HDAC9: variants seen among roughly 807,000 people sequenced by gnomAD.
The protein encoded by HDAC9 is histone deacetylase 9, also known as MEF-2 interacting transcription repressor (MITR) protein.
HDAC9 carries 41 observed loss-of-function variants against 139.4 expected under a neutral mutation model. The ratio of observed to expected loss-of-function variants is 0.29; its 90% CI spans 0.23 to 0.38. The LOEUF is 0.38. Ranked by LOEUF, HDAC9 falls within the 10% of genes least tolerant of loss-of-function variation. The pLI, the probability that HDAC9 is intolerant of heterozygous loss-of-function variation, is 1.00. For missense variants in HDAC9, 1,147 were observed against 1,297.0 expected (o/e 0.88, Z 1.78); for synonymous variants, 517 against 476.2 (o/e 1.09, Z -1.12).
chr7:18,307,174 T>C (rs1798981422), intron 1 of HDAC9, among the ~76,000 whole-genome samples: 1 of 150,446 alleles, frequency 6.6e-6, no homozygotes, highest in Non-Finnish European at 1.5e-5. Flanking sequence ...AGTATCTTTT[T>C]TAAAGCCATA....
chr7:18,817,931 A>T (rs1794692584), intron 17 of HDAC9, among the ~76,000 whole-genome samples: 1 of 152,154 alleles, frequency 6.6e-6, no homozygotes, highest in South Asian at 2.1e-4. Context: ...AAAAACAAAA[A>T]CCTCAACCTA....
intron 16 of HDAC9, among the ~76,000 whole-genome samples, chr7:18,770,585 A>C (rs1486673868): frequency 1.3e-5 from 2 of 152,162 alleles, no homozygotes; most frequent in Admixed American, 1.3e-4. Context: ...TTTTATGATA[A>C]TGTCGTCATC....
At chr7:18,776,899 C>G (rs1790816280) in intron 16 of HDAC9, among the ~76,000 whole-genome samples, 1 of 151,932 alleles carries the variant, frequency 6.6e-6, no homozygotes, top group African/African-American at 2.4e-5. Flanking sequence ...CTCACTCTCA[C>G]TGTTAAAGAT....
At chr7:18,308,148 T>A (rs192297146) in intron 1 of HDAC9, among the ~76,000 whole-genome samples, 1 of 152,298 alleles carries the variant, frequency 6.6e-6, no homozygotes, top group African/African-American at 2.4e-5. Flanking sequence ...AGCTTAAACA[T>A]TTTAATAGTG....
chr7:18,628,844 A>G (rs539572690), intron 6 of HDAC9, among the ~76,000 whole-genome samples: 14 of 152,238 alleles, frequency 9.2e-5, no homozygotes, highest in African/African-American at 3.1e-4. Flanking sequence ...CTACTGACAA[A>G]GAAATATTCC....
At chr7:18,118,840 C>T (rs1011037386) in intron 1 of HDAC9, among the ~76,000 whole-genome samples, 3 of 152,118 alleles carry the variant, frequency 2.0e-5, no homozygotes, top group Admixed American at 2.0e-4. Flanking sequence ...AGCTGGACAT[C>T]TGGGCTTTAA....
chr7:18,668,013 C>G (rs775028548), intron 12 of HDAC9: 2 of 976,328 alleles, frequency 2.0e-6, no homozygotes, highest in African/African-American at 1.8e-5. Context: ...GTGTAGTATC[C>G]TATTTCAAAG....
intron 8 of HDAC9, among the ~76,000 whole-genome samples, chr7:18,638,645 G>C (rs1784619181): frequency 6.6e-6 from 1 of 152,026 alleles, no homozygotes; most frequent in African/African-American, 2.4e-5. Flanking sequence ...TTCGGAACAA[G>C]TTCATTTTTT....
At chr7:18,624,971 A>G (rs185264312) in intron 6 of HDAC9, among the ~76,000 whole-genome samples, 6 of 152,004 alleles carry the variant, frequency 3.9e-5, no homozygotes, top group Non-Finnish European at 8.8e-5. Context: ...TGTATACTGT[A>G]TATTTTGTTA....
chr7:18,466,093 C>G (rs1003913998), intron 1 of HDAC9, among the ~76,000 whole-genome samples: 1 of 152,212 alleles, frequency 6.6e-6, no homozygotes, highest in Non-Finnish European at 1.5e-5. Flanking sequence ...TTGGTGGCAG[C>G]ATTCAATTCT....
intron 13 of HDAC9, among the ~76,000 whole-genome samples, chr7:18,740,994 G>T (rs941913424): frequency 6.6e-6 from 1 of 152,152 alleles, no homozygotes; most frequent in Non-Finnish European, 1.5e-5. Flanking sequence ...GAGAGGTGAG[G>T]AAGTTGCTGA....
chr7:18,142,423 A>T (rs946805235), intron 1 of HDAC9, among the ~76,000 whole-genome samples: 4 of 152,124 alleles, frequency 2.6e-5, no homozygotes, highest in African/African-American at 9.7e-5. Context: ...TCTTCTCCCT[A>T]TTAAAAAAAT....
intron 1 of HDAC9, among the ~76,000 whole-genome samples, chr7:18,095,625 G>T (rs890784185): frequency 3.3e-5 from 5 of 152,168 alleles, no homozygotes; most frequent in African/African-American, 1.2e-4. Flanking sequence ...CTACAGGTCT[G>T]TACAGTATGA....
At chr7:18,385,630 C>T (rs1286014872) in intron 1 of HDAC9, among the ~76,000 whole-genome samples, 1 of 152,148 alleles carries the variant, frequency 6.6e-6, no homozygotes, top group East Asian at 1.9e-4. Flanking sequence ...GGGCCATAGT[C>T]ATACTTACGA....
chr7:18,710,231 G>T (rs1197212255), intron 12 of HDAC9, among the ~76,000 whole-genome samples: 1 of 152,148 alleles, frequency 6.6e-6, no homozygotes, highest in African/African-American at 2.4e-5. Context: ...TCCCACCCAT[G>T]ACACGTGGGA....
At chr7:18,830,231 C>T (rs1164584022) in intron 19 of HDAC9, among the ~76,000 whole-genome samples, 1 of 152,076 alleles carries the variant, frequency 6.6e-6, no homozygotes, top group South Asian at 2.1e-4. Context: ...AGATCTGCCC[C>T]ATACAAAAAG....
intron 25 of HDAC9, among the ~76,000 whole-genome samples, chr7:18,992,226 G>A (rs963231440): frequency 6.6e-6 from 1 of 152,214 alleles, no homozygotes; most frequent in East Asian, 1.9e-4. Context: ...TATTCATGGT[G>A]AATAGAGAGT....
intron 12 of HDAC9, among the ~76,000 whole-genome samples, chr7:18,693,827 C>A (rs980092658): frequency 6.6e-6 from 1 of 152,144 alleles, no homozygotes; most frequent in Non-Finnish European, 1.5e-5. Flanking sequence ...ATTTTACAAA[C>A]CACATTTAAT....
At chr7:18,098,256 A>G (rs937210485) in intron 1 of HDAC9, among the ~76,000 whole-genome samples, 1 of 152,214 alleles carries the variant, frequency 6.6e-6, no homozygotes, top group African/African-American at 2.4e-5. Flanking sequence ...GTTCTGCTGG[A>G]GCAAGACTTC....
Sources: gnomAD v4.1 joint callset for allele counts (sites outside exome capture counted in the v4.1 genomes callset) on GRCh38, gnomAD v4.1.1 for gene constraint, MANE v1.5 for transcripts, NCBI Gene and HGNC (gene_info 2026-07-23, HGNC 2026-07-21) for gene names.